CFAP74: variants seen among roughly 807,000 people sequenced by gnomAD.
The protein encoded by CFAP74 is cilia- and flagella-associated protein 74.
In CFAP74, 124 loss-of-function variants were observed where a neutral mutation model predicts 188.9. The observed-to-expected ratio is 0.66, with a 90% CI of 0.57 to 0.76. The LOEUF (loss-of-function observed/expected upper bound fraction) is 0.76, where lower values mean the gene tolerates loss of function less well. Among genes scored for constraint, CFAP74 ranks in the 30% least tolerant of loss-of-function variants. The pLI is 0.00. For missense variants in CFAP74, 2,198 were observed against 2,165.2 expected, an observed-to-expected ratio of 1.02 and a Z score of -0.30; for synonymous variants, 956 against 916.7, an observed-to-expected ratio of 1.04 and a Z score of -0.77.
intron 1 of CFAP74, among the ~76,000 whole-genome samples, chr1:1,998,464 T>A (rs1278017049): frequency 1.3e-5 from 2 of 152,178 alleles, no homozygotes; most frequent in African/African-American, 4.8e-5. Context: ...GGGAGAGGAA[T>A]GCTGTGAGGC....
At chr1:1,951,712 T>C (rs1321659928) in intron 18 of CFAP74, among the ~76,000 whole-genome samples, 1 of 152,220 alleles carries the variant, frequency 6.6e-6, no homozygotes, top group Non-Finnish European at 1.5e-5. Flanking sequence ...CATTGATCCA[T>C]AGTTAGTTCT....
chr1:1,932,793 T>C (rs1157569961), intron 25 of CFAP74, among the ~76,000 whole-genome samples: 2 of 151,754 alleles, frequency 1.3e-5, no homozygotes, highest in Non-Finnish European at 2.9e-5. Context: ...GGTGTTTCAC[T>C]GTGTTAGCCA....
chr1:1,962,349 G>A (rs533363979), intron 14 of CFAP74, among the ~76,000 whole-genome samples: 141 of 151,830 alleles, frequency 9.3e-4, no homozygotes, highest in African/African-American at 2.7e-3. Flanking sequence ...GGTGGCAGGC[G>A]CCTGTTATCC....
chr1:1,935,076 GGT>G (rs1652778871), intron 25 of CFAP74, among the ~76,000 whole-genome samples: 1 of 84,750 alleles, frequency 1.2e-5, no homozygotes, highest in African/African-American at 4.3e-5. Flanking sequence ...TGTGTACGTG[GGT>G]GTTAGGTTGT....
At chr1:1,971,417 GCA>G (rs1245536233) in intron 9 of CFAP74, among the ~76,000 whole-genome samples, 7 of 151,564 alleles carry the variant, frequency 4.6e-5, no homozygotes, top group Admixed American at 6.5e-5. Context: ...ATGCACACAT[GCA>G]CACACACATG....
At chr1:1,946,180 G>T in intron 20 of CFAP74, 137 bp downstream of exon 20, 1 of 1,074,820 alleles carries the variant, frequency 9.3e-7, no homozygotes, top group Non-Finnish European at 1.3e-6. Flanking sequence ...TGTAAACTGT[G>T]GTGCCAACCA....
chr1:1,956,891 C>G, intron 16 of CFAP74, 107 bp from the exon 17 acceptor site: 10 of 1,171,140 alleles, frequency 8.5e-6, no homozygotes, highest in Non-Finnish European at 1.2e-5. Context: ...AGCATTTGTG[C>G]GCGTTGTGCA....
chr1:1,985,586 A>G, intron 5 of CFAP74, 96 bp from the exon 6 acceptor site: 3 of 997,476 alleles, frequency 3.0e-6, no homozygotes, highest in Admixed American at 1.8e-5. Flanking sequence ...CCTCTCGCTC[A>G]GGAGGGAAAT....
At chr1:1,928,718 G>A (rs1433518515) in intron 27 of CFAP74, 66 bp downstream of exon 27, 18 of 1,237,568 alleles carry the variant, frequency 1.5e-5, no homozygotes, top group East Asian at 2.5e-5. Context: ...ACTCGAAGGC[G>A]GTGGAGTTTG....
At chr1:1,938,332 ACT>A (rs149970574) in intron 25 of CFAP74, among the ~76,000 whole-genome samples, 2 of 150,592 alleles carry the variant, frequency 1.3e-5, no homozygotes, top group Non-Finnish European at 3.0e-5. Flanking sequence ...CACACAAGGC[ACT>A]CACACACACA....
chr1:1,946,283 G>A (rs1468467827), intron 20 of CFAP74, 34 bp downstream of exon 20: 4 of 1,515,040 alleles, frequency 2.6e-6, no homozygotes, highest in Non-Finnish European at 2.6e-6. Context: ...CAGGGGCCAG[G>A]GTGTGTGCGT....
At chr1:1,989,476 T>C (rs1657448093) in intron 2 of CFAP74, among the ~76,000 whole-genome samples, 1 of 152,100 alleles carries the variant, frequency 6.6e-6, no homozygotes, top group Non-Finnish European at 1.5e-5. Flanking sequence ...GGCGTAGTCA[T>C]GAACCTGACG....
At chr1:1,961,753 C>T (rs915212014) in intron 14 of CFAP74, among the ~76,000 whole-genome samples, 2 of 152,336 alleles carry the variant, frequency 1.3e-5, no homozygotes, top group African/African-American at 4.8e-5. Context: ...TGCCCGCCTT[C>T]ACAGAGAGCT....
rs575537636 is a variant in CFAP74, at chr1:1,988,447, G to T, written c.296+65C>A. 4.4e-6 allele frequency: 7 copies of T among 1,588,454 alleles called. No individual in the cohort carries two copies. In the African/African-American group the frequency reaches 9.4e-5, roughly 21 times the overall value. ...CGACAGGTACAGGACCACCCCTGCT[G>T]CACCCATGTCACGGCCTGGGGGGCA... On this transcript the variant is annotated intron_variant, in intron 4 of 38. Coordinates refer to ENST00000682832, the MANE Select transcript of CFAP74 (RefSeq NM_001304360.2).
chr1:1,982,073 T>A (rs61776986), intron 6 of CFAP74, among the ~76,000 whole-genome samples: 9 of 50,174 alleles, frequency 1.8e-4, no homozygotes, highest in East Asian at 6.8e-4. Flanking sequence ...CCAGCCGTGG[T>A]CACATGCGGG....
intron 18 of CFAP74, among the ~76,000 whole-genome samples, chr1:1,948,123 G>T (rs909745492): frequency 2.0e-5 from 3 of 151,790 alleles, no homozygotes; most frequent in African/African-American, 2.4e-5. Flanking sequence ...TGCCCACCTT[G>T]GCCTCCCAAA....
rs192600885 is a variant in CFAP74, at chr1:1,993,181, A to G, written c.-19-2206T>C. 5.7e-3 allele frequency among the ~76,000 whole-genome samples: 812 copies of G among 143,082 alleles called. 3 individuals carry two copies. The highest frequency in any genetic ancestry group is 9.7e-3 in the Non-Finnish European group (640 of 66,160). The allele number at this position is 143,082 out of a possible 152,430, so 93.9% of individuals were successfully genotyped here. A position where few individuals can be genotyped will look rare whatever the true frequency, so the allele number is the denominator to read the frequency against. On this transcript the variant is annotated intron_variant, in intron 1 of 38. Coordinates refer to ENST00000682832, the MANE Select transcript of CFAP74 (RefSeq NM_001304360.2). ...ACGCCACTGCATTCTAGCCTGGGCG[A>G]CAGGGGAAGACTGTCTCAAAAAAAA...
At chr1:1,935,867 T>TAC (rs35582265) in intron 25 of CFAP74, among the ~76,000 whole-genome samples, 13,496 of 147,778 alleles carry the variant, frequency 0.091, 626 homozygotes, top group South Asian at 0.15. Flanking sequence ...TTTTCAGCAC[T>TAC]ACACACACAC....
rs1484824892 is a variant in CFAP74, at chr1:1,925,891, G to T, written c.3996C>A (p.Leu1332=). The change falls in exon 33 of 39, where the codon CTC becomes CTA. Residue 1332 remains leucine, a synonymous_variant. Transcript: ENST00000682832. ...ACGCCACGCCAGTGCCCATGAGGGT[G>T]AGGGTGAGCGTGCCTCTCTTGGTGA... is the stretch of plus-strand genomic sequence containing the variant. ...DIITKRGTLT[L]TLMGTGVASM... is the part of the protein sequence containing the mutation. 1 of 1,612,638 alleles carries T rather than the reference G, an allele frequency of 6.2e-7. No homozygotes were observed. Among genetic ancestry groups the T allele is most frequent in the South Asian group, 1.1e-5 (1 of 91,060 alleles).
Sources: gnomAD v4.1 joint callset for allele counts (sites outside exome capture counted in the v4.1 genomes callset) on GRCh38, gnomAD v4.1.1 for gene constraint, MANE v1.5 for transcripts, NCBI Gene and HGNC (gene_info 2026-07-23, HGNC 2026-07-21) for gene names.